The following SULT6B1 variants were observed in gnomAD, a reference collection of about 807,000 sequenced individuals.
SULT6B1 encodes the protein sulfotransferase 6B1.
In SULT6B1, 44 loss-of-function variants were observed where a neutral mutation model predicts 37.2. That is an observed-to-expected ratio of 1.18 (90% CI 0.93 to 1.52). The LOEUF (loss-of-function observed/expected upper bound fraction) is 1.52. Among genes scored for constraint, SULT6B1 ranks in the 40% most tolerant of loss-of-function variants. The pLI, the probability that SULT6B1 is intolerant of heterozygous loss-of-function variation, is 0.00. For synonymous variants in SULT6B1, 140 were observed against 126.0 expected, an observed-to-expected ratio of 1.11 and a Z score of -0.74; for missense variants, 450 against 361.0, an observed-to-expected ratio of 1.25 and a Z score of -2.00.
intron 5 of SULT6B1, 78 bp downstream of exon 5, chr2:37,175,054 C>T (rs1676384304): frequency 1.3e-6 from 1 of 791,702 alleles, no homozygotes; most frequent in African/African-American, 1.8e-5. Context: ...TTTGTTTATA[C>T]AAACAGACAT....
chr2:37,176,319 G>A (rs987641251), intron 4 of SULT6B1, among the ~76,000 whole-genome samples: 5 of 132,384 alleles, frequency 3.8e-5, no homozygotes, highest in Non-Finnish European at 7.7e-5. Context: ...CTGGAGTGCA[G>A]TGGTGCAATC....
At chr2:37,185,704 T>G in intron 2 of SULT6B1, among the ~76,000 whole-genome samples, 2 of 107,388 alleles carry the variant, frequency 1.9e-5, no homozygotes, top group African/African-American at 3.8e-5. Context: ...GGTGACAGAG[T>G]GAGACTCCAT....
intron 6 of SULT6B1, among the ~76,000 whole-genome samples, chr2:37,168,673 T>A (rs1051047738): frequency 6.6e-6 from 1 of 152,212 alleles, no homozygotes; most frequent in Non-Finnish European, 1.5e-5. Context: ...TAAAGTCTCT[T>A]AAAGACTTTA....
Position 37,179,569 on chromosome 2 carries a change from G to T in SULT6B1, c.418C>A (p.Arg140=). 1 of 1,611,808 alleles carries T rather than the reference G, an allele frequency of 6.2e-7. No individual in the cohort carries two copies. The highest frequency in any genetic ancestry group is 8.5e-7 in the Non-Finnish European group (1 of 1,179,606). ...GATACTGCTGTATCTTTAGGGTTTC[G>T]AAATATCACCAATATCTAGGGAGCA... ...ENKAKILVIF[R]NPKDTAVSFL... is the part of the protein sequence containing the mutation. Residue 140 remains arginine (R), a synonymous_variant, in exon 4 of 7, where the codon CGA becomes AGA. Transcript: ENST00000535679.
chr2:37,195,220 G>A (rs979543726), intron 1 of SULT6B1, among the ~76,000 whole-genome samples: 8 of 152,078 alleles, frequency 5.3e-5, no homozygotes, highest in Non-Finnish European at 4.4e-5. Context: ...AAAGTGCTGG[G>A]ATTACAGGTG....
At chr2:37,170,897 A>G (rs1175146864) in intron 6 of SULT6B1, among the ~76,000 whole-genome samples, 2 of 152,122 alleles carry the variant, frequency 1.3e-5, no homozygotes, top group African/African-American at 4.8e-5. Flanking sequence ...TTGTTTTCAG[A>G]AGGTGATCAT....
At chr2:37,171,717 C>G in intron 5 of SULT6B1, 127 bp from the exon 6 acceptor site, 1 of 746,986 alleles carries the variant, frequency 1.3e-6, no homozygotes, top group Non-Finnish European at 2.1e-6. Context: ...CCACTTTAAA[C>G]TTAGAGTACT....
chr2:37,187,427 ATATATTAATTCAC>A lies in SULT6B1; in HGVS notation c.227_239del (p.Ser76MetfsTer27), dbSNP rs1455340102. ...ATTTATACTTTTTTTTAGAAACAGC[ATATATTAATTCAC>A]TGACAATGTGGAGAATCCAGTTTGA... On this transcript the variant is annotated frameshift_variant, in exon 2 of 7. Transcript: ENST00000535679. LOFTEE classifies it high-confidence loss of function. 6.2e-7 allele frequency: 1 copy of A among 1,607,570 alleles called. No individual in the cohort carries two copies. Among genetic ancestry groups the A allele is most frequent in the African/African-American group, 1.3e-5 (1 of 74,844 alleles).
chr2:37,193,926 A>G (rs911182354), intron 1 of SULT6B1, among the ~76,000 whole-genome samples: 5 of 152,212 alleles, frequency 3.3e-5, no homozygotes, highest in Admixed American at 3.3e-4. Flanking sequence ...AAAAGTTTCT[A>G]CTGGAGTCTA....
intron 1 of SULT6B1, among the ~76,000 whole-genome samples, chr2:37,194,921 C>G (rs137996261): frequency 2.1e-5 from 1 of 48,716 alleles, no homozygotes. Context: ...TCCTTCCTTC[C>G]TTCCTTCCTT....
chr2:37,171,489 C>T lies in SULT6B1; in HGVS notation c.726G>A (p.Met242Ile), dbSNP rs938446885. ...CGTGTGTGTCCTGAGACTTCGCACG[C>T]ATGGCTTGGAAGGTGCTCTGGACTG... The part of the protein sequence containing the change: ...TISVQSTFQA[M>I]RAKSQDTHGA... The change falls in exon 6 of 7, where the codon ATG becomes ATA. Residue 242 changes from methionine (M) to isoleucine (I), a missense_variant. Met to Ile is a conservative substitution (Grantham distance 10). Transcript: ENST00000535679. The T allele has an allele frequency of 1.2e-6, 2 of 1,614,178 alleles. No individual in the cohort carries two copies. The highest frequency in any genetic ancestry group is 1.7e-6 in the Non-Finnish European group (2 of 1,180,026).
intron 2 of SULT6B1, among the ~76,000 whole-genome samples, chr2:37,186,320 G>C (rs1344511334): frequency 6.6e-6 from 1 of 152,136 alleles, no homozygotes; most frequent in Non-Finnish European, 1.5e-5. Context: ...GTGTGTCTAG[G>C]AGTGGGGAGA....
chr2:37,176,782 G>A (rs527617992), intron 4 of SULT6B1, among the ~76,000 whole-genome samples: 12 of 152,046 alleles, frequency 7.9e-5, no homozygotes, highest in Non-Finnish European at 1.6e-4. Context: ...TTGATATCCT[G>A]CCTTCCTCAG....
intron 1 of SULT6B1, among the ~76,000 whole-genome samples, chr2:37,187,778 G>A (rs1434267021): frequency 1.3e-5 from 2 of 152,020 alleles, no homozygotes; most frequent in African/African-American, 4.8e-5. Context: ...TTTATTATAA[G>A]TTGTATATAT....
intron 5 of SULT6B1, 46 bp from the exon 6 acceptor site, chr2:37,171,636 G>A (rs1325293696): frequency 6.3e-7 from 1 of 1,583,648 alleles, no homozygotes; most frequent in Non-Finnish European, 8.6e-7. Flanking sequence ...TATGGAAATT[G>A]TTCTCTGAGC....
At chr2:37,183,818 A>G (rs896936992) in intron 2 of SULT6B1, among the ~76,000 whole-genome samples, 9 of 151,860 alleles carry the variant, frequency 5.9e-5, no homozygotes, top group African/African-American at 2.2e-4. Flanking sequence ...TAATTTTTGT[A>G]TTTTTAGTAG....
In SULT6B1 at chr2:37,175,200, C is replaced by G; in HGVS notation, c.556G>C (p.Ala186Pro). 1 of 1,588,726 alleles carries G rather than the reference C, an allele frequency of 6.3e-7. No individual in the cohort carries two copies. Among genetic ancestry groups the G allele is most frequent in the Non-Finnish European group, 8.6e-7 (1 of 1,166,436 alleles). ...TCAAGATGTTTGTTCCAATTGATTG[C>G]AAAATCAAAATACCTTCCCCAAGAA... ...QVSWGRYFDFAINWNKHLDGD... is the reference protein window; with the variant it reads ...QVSWGRYFDFPINWNKHLDGD... Residue 186 changes from alanine (A) to proline (P), a missense_variant, in exon 5 of 7, where the codon GCA (alanine) becomes CCA (proline). Coordinates refer to ENST00000535679, the MANE Select transcript of SULT6B1 (RefSeq NM_001367551.1).
intron 3 of SULT6B1, among the ~76,000 whole-genome samples, chr2:37,182,057 C>A (rs780076214): frequency 7.9e-5 from 12 of 152,048 alleles, no homozygotes; most frequent in Non-Finnish European, 1.3e-4. Flanking sequence ...ATTCTTGTAT[C>A]ACAGCCACAA....
chr2:37,187,084 G>A (rs6544062), intron 2 of SULT6B1, among the ~76,000 whole-genome samples: 65,846 of 152,004 alleles, frequency 0.43, 14,609 homozygotes, highest in Middle Eastern at 0.47. Context: ...GCTCAAACTG[G>A]AAAACTTGGG....
Sources: gnomAD v4.1 joint callset for allele counts (sites outside exome capture counted in the v4.1 genomes callset) on GRCh38, gnomAD v4.1.1 for gene constraint, MANE v1.5 for transcripts, NCBI Gene and HGNC (gene_info 2026-07-23, HGNC 2026-07-21) for gene names.